The following NCKAP5 variants were observed in gnomAD, a reference collection of about 807,000 sequenced individuals.
The protein encoded by NCKAP5 is NCK associated protein 5.
In NCKAP5, 92 loss-of-function variants were observed where a neutral mutation model predicts 167.0. The ratio of observed to expected loss-of-function variants is 0.55; its 90% confidence interval spans 0.47 to 0.66. NCKAP5 has a LOEUF of 0.66. Among genes scored for constraint, NCKAP5 ranks in the 30% least tolerant of loss-of-function variants. NCKAP5 has a pLI of 0.00. For synonymous variants in NCKAP5, 891 were observed against 877.4 expected (o/e 1.02, Z -0.27); for missense variants, 2,378 against 2,315.0 (o/e 1.03, Z -0.56).
intron 11 of NCKAP5, 43 bp from the exon 12 acceptor site, chr2:132,796,772 T>C: frequency 7.4e-7 from 1 of 1,353,090 alleles, no homozygotes; most frequent in Non-Finnish European, 1.0e-6. Flanking sequence ...GATAATTTAA[T>C]TATTTGTCTC....
intron 5 of NCKAP5, among the ~76,000 whole-genome samples, chr2:133,205,386 C>T (rs1320719971): frequency 6.6e-6 from 1 of 152,054 alleles, no homozygotes; most frequent in Non-Finnish European, 1.5e-5. Flanking sequence ...TTAAAATTGT[C>T]CATTTTATTC....
intron 4 of NCKAP5, among the ~76,000 whole-genome samples, chr2:133,263,625 C>A (rs2089028194): frequency 6.6e-6 from 1 of 152,108 alleles, no homozygotes; most frequent in South Asian, 2.1e-4. Flanking sequence ...ATATTCACAA[C>A]TACCAAGTCA....
intron 3 of NCKAP5, among the ~76,000 whole-genome samples, chr2:133,423,400 G>A (rs1300058976): frequency 6.6e-6 from 1 of 152,036 alleles, no homozygotes; most frequent in African/African-American, 2.4e-5. Context: ...ATGTTGAATC[G>A]TCATGAAACT....
At chr2:133,320,020 C>G (rs370036579) in intron 3 of NCKAP5, among the ~76,000 whole-genome samples, 3 of 152,010 alleles carry the variant, frequency 2.0e-5, no homozygotes, top group African/African-American at 7.3e-5. Flanking sequence ...TCCGGTCAAA[C>G]GAAACCAACT....
intron 4 of NCKAP5, among the ~76,000 whole-genome samples, chr2:133,288,346 C>A (rs1345185005): frequency 1.3e-5 from 2 of 152,122 alleles, no homozygotes; most frequent in Admixed American, 6.5e-5. Flanking sequence ...TGGTCTTCTG[C>A]AACTGATACC....
chr2:133,590,942 AGAGT>A, the NCKAP5 span, among the ~76,000 whole-genome samples: 3 of 135,384 alleles, frequency 2.2e-5, no homozygotes, highest in Admixed American at 7.4e-5. Flanking sequence ...AGAGAGAGAG[AGAGT>A]GTTGTGTGTC....
intron 19 of NCKAP5, among the ~76,000 whole-genome samples, chr2:132,677,229 C>T (rs917554090): frequency 1.3e-5 from 2 of 151,872 alleles, no homozygotes; most frequent in African/African-American, 2.4e-5. Flanking sequence ...TTTTCAACTA[C>T]ACTTGGGAAT....
At chr2:133,592,640 T>C in the NCKAP5 span, among the ~76,000 whole-genome samples, 1 of 152,300 alleles carries the variant, frequency 6.6e-6, no homozygotes, top group East Asian at 1.9e-4. Flanking sequence ...GCTGATGTCA[T>C]GAAGACACAA....
At chr2:133,055,287 C>T (rs1559093107) in intron 6 of NCKAP5, among the ~76,000 whole-genome samples, 1 of 151,924 alleles carries the variant, frequency 6.6e-6, no homozygotes, top group Non-Finnish European at 1.5e-5. Context: ...AAAAGTGATA[C>T]ACCGAGCCAA....
intron 5 of NCKAP5, among the ~76,000 whole-genome samples, chr2:133,177,990 C>T (rs557591914): frequency 2.6e-5 from 4 of 152,282 alleles, no homozygotes; most frequent in Middle Eastern, 3.4e-3. Context: ...AATAGCAAGG[C>T]CCTTCTTCCC....
At chr2:133,621,718 G>T in the NCKAP5 span, among the ~76,000 whole-genome samples, 1 of 151,998 alleles carries the variant, frequency 6.6e-6, no homozygotes, top group African/African-American at 2.4e-5. Flanking sequence ...AACAAGAATT[G>T]GTAACAATCC....
chr2:133,065,915 A>G (rs1000431108), intron 6 of NCKAP5, among the ~76,000 whole-genome samples: 2 of 152,254 alleles, frequency 1.3e-5, no homozygotes, highest in Non-Finnish European at 2.9e-5. Flanking sequence ...TATATAGTTC[A>G]TGTAGCTATT....
intron 5 of NCKAP5, among the ~76,000 whole-genome samples, chr2:133,212,963 T>A (rs1254692669): frequency 6.6e-6 from 1 of 152,218 alleles, no homozygotes; most frequent in Non-Finnish European, 1.5e-5. Flanking sequence ...GTACTACTTA[T>A]CTAATTCTTT....
At chr2:133,667,308 A>T in the NCKAP5 span, among the ~76,000 whole-genome samples, 1 of 151,996 alleles carries the variant, frequency 6.6e-6, no homozygotes, top group Admixed American at 6.5e-5. Context: ...TGGAAACTCT[A>T]AACATCAACC....
intron 4 of NCKAP5, among the ~76,000 whole-genome samples, chr2:133,289,468 G>A (rs1037622440): frequency 1.1e-4 from 16 of 152,032 alleles, no homozygotes; most frequent in Admixed American, 5.2e-4. Flanking sequence ...GAAGCCAGGC[G>A]AGGTGGCTCA....
intron 15 of NCKAP5, among the ~76,000 whole-genome samples, chr2:132,778,198 TA>T (rs1682715832): frequency 6.6e-6 from 1 of 152,022 alleles, no homozygotes. Context: ...ATAATTTAAA[TA>T]AAAGTACCAA....
chr2:133,031,122 C>T (rs2078865618), intron 6 of NCKAP5, among the ~76,000 whole-genome samples: 1 of 152,060 alleles, frequency 6.6e-6, no homozygotes, highest in Non-Finnish European at 1.5e-5. Context: ...AAAAAAAACA[C>T]CTTCATAAGT....
chr2:132,956,353 T>C (rs574807777), intron 8 of NCKAP5, among the ~76,000 whole-genome samples: 1 of 152,344 alleles, frequency 6.6e-6, no homozygotes, highest in Non-Finnish European at 1.5e-5. Context: ...GCTGTGCATC[T>C]GAATAATCCA....
intron 8 of NCKAP5, among the ~76,000 whole-genome samples, chr2:132,926,657 G>A (rs1695919569): frequency 6.6e-6 from 1 of 151,410 alleles, no homozygotes; most frequent in Middle Eastern, 3.2e-3. Context: ...CATTGCTTTT[G>A]GCCATTTGTA....
Sources: gnomAD v4.1 joint callset for allele counts (sites outside exome capture counted in the v4.1 genomes callset) on GRCh38, gnomAD v4.1.1 for gene constraint, MANE v1.5 for transcripts, NCBI Gene and HGNC (gene_info 2026-07-23, HGNC 2026-07-21) for gene names.